COL17A1: variants seen among roughly 807,000 people sequenced by gnomAD.
COL17A1 encodes collagen type XVII alpha 1 chain.
COL17A1 carries 181 observed loss-of-function variants against 218.4 expected under a neutral mutation model. The observed-to-expected ratio is 0.83, with a 90% confidence interval of 0.73 to 0.94. The LOEUF is 0.94. COL17A1 is among the 40% of genes least tolerant of loss of function. COL17A1 has a pLI of 0.00. For synonymous variants in COL17A1, 721 were observed against 731.0 expected (o/e 0.99, Z 0.22); for missense variants, 1,924 against 1,945.9 (o/e 0.99, Z 0.21).
At position 104,044,072 on chromosome 10, in the gene COL17A1, T is replaced by C. The variant is rs2086386944; in HGVS notation, c.2399-212A>G. Among the ~76,000 whole-genome samples the C allele has an allele frequency of 2.6e-5, 4 of 152,268 alleles. 1 individual carries two copies. The South Asian group carries it at 8.3e-4, about 31-fold the overall frequency. On this transcript the variant is annotated intron_variant, in intron 33 of 55. Transcript: ENST00000648076. ...GTCCCTGGAGGCCAGAGCATCCGTC[T>C]TCATTCAGAGAAGTGGCTTCACTTG...
chr10:104,054,757 G>C (rs2086503435), intron 20 of COL17A1, among the ~76,000 whole-genome samples: 1 of 152,116 alleles, frequency 6.6e-6, no homozygotes, highest in Non-Finnish European at 1.5e-5. Flanking sequence ...GGAGATTCCT[G>C]TGCACAGGGA....
chr10:104,054,633 G>A (rs1469593629), intron 20 of COL17A1, among the ~76,000 whole-genome samples: 1 of 152,142 alleles, frequency 6.6e-6, no homozygotes, highest in Admixed American at 6.5e-5. Context: ...TCTTGAACGT[G>A]GTGCTCAGTA....
At chr10:104,069,276 G>T (rs560710894) in intron 9 of COL17A1, among the ~76,000 whole-genome samples, 3 of 152,240 alleles carry the variant, frequency 2.0e-5, no homozygotes, top group African/African-American at 7.2e-5. Flanking sequence ...AACTGCCACC[G>T]CCAGGAATGT....
In COL17A1 at chr10:104,073,214, T is replaced by C. The variant is rs1352644222; in HGVS notation, c.411A>G (p.Thr137=). Residue 137 remains threonine, a synonymous_variant, in exon 7 of 56, where the codon ACA becomes ACG. Transcript: ENST00000648076. ...GAACCCAGTGACAGCACTCACCTCGTGTTTGACTCCGTCCTCTGGTTGAAG... is the reference window on the plus strand; with the variant it reads ...GAACCCAGTGACAGCACTCACCTCGCGTTTGACTCCGTCCTCTGGTTGAAG... The part of the protein sequence containing the change: ...ASSSTRGRSQ[T]RESEIRVRLQ... The C allele has an allele frequency of 1.2e-6, 2 of 1,613,956 alleles. No individual in the cohort carries two copies. Among genetic ancestry groups the C allele is most frequent in the Non-Finnish European group, 1.7e-6 (2 of 1,179,864 alleles).
intron 16 of COL17A1, 27 bp downstream of exon 16, chr10:104,058,119 A>G (rs1589569203): frequency 1.2e-6 from 2 of 1,613,976 alleles, no homozygotes; most frequent in East Asian, 4.5e-5. Context: ...GGATCCTGTC[A>G]CTGCAGGGTT....
intron 1 of COL17A1, among the ~76,000 whole-genome samples, chr10:104,085,519 C>G (rs916504282): frequency 1.3e-5 from 2 of 152,194 alleles, no homozygotes; most frequent in East Asian, 3.8e-4. Flanking sequence ...TCCTTTTCCC[C>G]ACTTATTTCC....
intron 23 of COL17A1, 85 bp from the exon 24 acceptor site, chr10:104,052,302 G>T (rs1046459581): frequency 6.4e-7 from 1 of 1,555,844 alleles, no homozygotes; most frequent in Non-Finnish European, 8.9e-7. Context: ...TGGAGGGGAT[G>T]CTTCCCACCC....
At position 104,048,059 on chromosome 10, in the gene COL17A1, A is replaced by G. The variant is rs371286344; in HGVS notation, c.2263+10T>C. On this transcript the variant is annotated intron_variant, in intron 30 of 55. Coordinates refer to ENST00000648076, the MANE Select transcript of COL17A1 (RefSeq NM_000494.4). ...GGAGTGAGGCTGGGGGCAGCAGATG[A>G]GTGACCAACCTCTTGGGCCTTGGTG... The G allele has an allele frequency of 2.5e-6, 4 of 1,614,030 alleles. No homozygotes were observed. Among genetic ancestry groups the G allele is most frequent in the Non-Finnish European group, 2.5e-6 (3 of 1,180,016 alleles).
At chr10:104,079,719 A>G (rs2086747110) in intron 2 of COL17A1, among the ~76,000 whole-genome samples, 1 of 152,200 alleles carries the variant, frequency 6.6e-6, no homozygotes, top group Non-Finnish European at 1.5e-5. Flanking sequence ...CGAGGTCAGG[A>G]GTTTGAGACC....
At chr10:104,062,157 G>T in intron 12 of COL17A1, 101 bp downstream of exon 12, 3 of 1,565,308 alleles carry the variant, frequency 1.9e-6, no homozygotes, top group South Asian at 1.1e-5. Flanking sequence ...GGGAAAGGTC[G>T]ACTGATTTTC....
chr10:104,060,096 A>G (rs2086568352), intron 14 of COL17A1, 23 bp downstream of exon 14: 1 of 1,613,664 alleles, frequency 6.2e-7, no homozygotes, highest in Non-Finnish European at 8.5e-7. Flanking sequence ...TCTGAAACCC[A>G]AGCCACACAG....
At chr10:104,033,082 G>T in intron 53 of COL17A1, 114 bp from the exon 54 acceptor site, 1 of 1,518,870 alleles carries the variant, frequency 6.6e-7, no homozygotes, top group Non-Finnish European at 9.0e-7. Context: ...GGACGTGTAA[G>T]AGGAAACAAA....
At position 104,034,723 on chromosome 10, in the gene COL17A1, G is replaced by T. The variant is rs930931266; in HGVS notation, c.3664C>A (p.Pro1222Thr). The change falls in exon 51 of 56, where the codon CCC (proline) becomes ACC (threonine). Residue 1222 changes from proline to threonine, a missense_variant. Transcript: ENST00000648076. ...CCCGGGGGCCCTCGAGGCCCTGGGG[G>T]ACCAGGAGGTCCTGGAGGGCCTGGG... ...FIPGPPGPPG[P>T]PGPRGPPGVS... 3 of 1,612,226 alleles carry T rather than the reference G, an allele frequency of 1.9e-6. No individual in the cohort carries two copies. The highest frequency in any genetic ancestry group is 2.2e-5 in the South Asian group (2 of 90,422).
At chr10:104,077,306 C>T (rs1298650313) in intron 4 of COL17A1, 116 bp downstream of exon 4, 2 of 782,946 alleles carry the variant, frequency 2.6e-6, no homozygotes, top group East Asian at 5.3e-5. Flanking sequence ...TTGTAATTGT[C>T]CCTTTTGTGC....
In COL17A1 at chr10:104,067,298, G is replaced by C. The variant is rs911063599; in HGVS notation, c.608-2702C>G. ...CATTCGAGCTTCAACAAGTAAAAGA[G>C]GAGACTCCCTCTGCATTTCTGCAGA... On this transcript the variant is annotated intron_variant, in intron 9 of 55. Coordinates refer to ENST00000648076, the MANE Select transcript of COL17A1 (RefSeq NM_000494.4). 2.2e-5 allele frequency among the ~76,000 whole-genome samples: 3 copies of C among 135,682 alleles called. No homozygotes were observed. The Admixed American group carries it at 2.5e-4, about 11-fold the overall frequency. The allele number at this position is 135,682 out of a possible 152,430, so 89.0% of individuals were successfully genotyped here.
intron 23 of COL17A1, 68 bp from the exon 24 acceptor site, chr10:104,052,285 T>G (rs2086477578): frequency 6.9e-6 from 11 of 1,600,898 alleles, no homozygotes; most frequent in Middle Eastern, 1.7e-4. Flanking sequence ...ATCCTGGCAC[T>G]GTCATTTGGA....
chr10:104,047,679 A>G, intron 31 of COL17A1, 60 bp downstream of exon 31: 12 of 1,393,724 alleles, frequency 8.6e-6, no homozygotes, highest in Middle Eastern at 1.8e-4. Context: ...GCCTACATCC[A>G]CACACACAAA....
chr10:104,055,672 G>T, intron 18 of COL17A1, 110 bp downstream of exon 18: 1 of 1,451,646 alleles, frequency 6.9e-7, no homozygotes, highest in Non-Finnish European at 9.4e-7. Context: ...GAGGAGAGAG[G>T]CCGAGAGTGG....
chr10:104,043,567 G>T lies in COL17A1; in HGVS notation c.2449C>A (p.Leu817Ile), dbSNP rs1417611507. 1.2e-6 allele frequency: 2 copies of T among 1,614,000 alleles called. No individual in the cohort carries two copies. Among genetic ancestry groups the T allele is most frequent in the Middle Eastern group, 1.6e-4 (1 of 6,062 alleles). ...GGTCCTGGGGGGCCTGGGACAGTGA[G>T]CATCGATGACCCCTCTGAAAACAGA... ...KIVTSEGSSM[L>I]TVPGPPGPPG... The change falls in exon 35 of 56, where the codon CTC (leucine) becomes ATC (isoleucine). Residue 817 changes from leucine (L) to isoleucine (I), a missense_variant. By Grantham distance (5) the Leu-to-Ile change is conservative. Transcript: ENST00000648076.
Sources: gnomAD v4.1 joint callset for allele counts (sites outside exome capture counted in the v4.1 genomes callset) on GRCh38, gnomAD v4.1.1 for gene constraint, MANE v1.5 for transcripts, NCBI Gene and HGNC (gene_info 2026-07-23, HGNC 2026-07-21) for gene names.